Variants in ADSS1 observed in about 807,000 individuals in gnomAD.
The protein encoded by ADSS1 is adenylosuccinate synthetase isozyme 1.
Under a neutral mutation model 59.1 loss-of-function variants are expected in ADSS1, and 57 were observed. The ratio of observed to expected loss-of-function variants is 0.97; its 90% CI spans 0.78 to 1.20. The LOEUF is 1.20. Among genes scored for constraint, ADSS1 ranks in the 50% most tolerant of loss-of-function variants. ADSS1 has a pLI of 0.00. For missense variants in ADSS1, 603 were observed against 610.3 expected (o/e 0.99, Z 0.13); for synonymous variants, 247 against 249.4 (o/e 0.99, Z 0.09).
At chr14:104,724,916 G>A (rs896934327) in intron 1 of ADSS1, among the ~76,000 whole-genome samples, 5 of 152,170 alleles carry the variant, frequency 3.3e-5, no homozygotes, top group South Asian at 4.1e-4. Context: ...CTGGCTCCCC[G>A]CAAGGTCTGC....
In ADSS1 at chr14:104,746,969, G is replaced by A. The variant is rs1891586313; in HGVS notation, c.1340G>A (p.Gly447Asp). The change falls in exon 13 of 13, where the codon GGC (glycine) becomes GAC (aspartate). Residue 447 changes from glycine to aspartate, a missense_variant. Physicochemically the swap from Gly to Asp is moderately conservative, Grantham distance 94. Coordinates refer to ENST00000330877, the MANE Select transcript of ADSS1 (RefSeq NM_152328.5). ...VGVAVKWVGVGKSRESMIQLF is the reference protein window; with the variant it reads ...VGVAVKWVGVDKSRESMIQLF The stretch of plus-strand genomic sequence containing the variant: ...CTCTCAGTCAAATGGGTTGGTGTTG[G>A]CAAGTCAAGAGAGTCGATGATCCAG... The A allele has an allele frequency of 6.2e-7, 1 of 1,613,964 alleles. No homozygotes were observed. The highest frequency in any genetic ancestry group is 1.3e-5 in the African/African-American group (1 of 74,922).
Position 104,740,665 on chromosome 14 carries a change from C to T in ADSS1, c.541C>T (p.Arg181Cys), listed in dbSNP as rs200192645. Residue 181 changes from arginine (R) to cysteine (C), a missense_variant, in exon 6 of 13, where the codon CGC (arginine) becomes TGC (cysteine). Arg to Cys is a radical substitution (Grantham distance 180, BLOSUM62 -3). Coordinates refer to ENST00000330877, the MANE Select transcript of ADSS1 (RefSeq NM_152328.5). The surrounding 1 kb of genome is among the most constrained non-coding windows in gnomAD (Gnocchi z 4.8). Reference protein sequence around the residue: ...YSSKAARTGLRICDLLSDFDE... With the variant: ...YSSKAARTGLCICDLLSDFDE... ...TTCCAAAGCTGCCCGGACAGGCCTC[C>T]GCATCTGCGACCTCCTGTCAGATTT... 2.4e-5 allele frequency: 39 copies of T among 1,613,978 alleles called. No homozygotes were observed. In the East Asian group the frequency reaches 4.5e-4, roughly 18 times the overall value.
In ADSS1 at chr14:104,724,476, C is replaced by T. The variant is rs1890662298; in HGVS notation, c.192+14C>T. 2.4e-6 allele frequency: 3 copies of T among 1,238,498 alleles called. No homozygotes were observed. The highest frequency in any genetic ancestry group is 3.1e-4 in the Middle Eastern group (1 of 3,248). The allele number at this position is 1,238,498 out of a possible 1,614,324, so 76.7% of individuals were successfully genotyped here. ...AGCCGCTGCCAGGTGCGGGCTGGGG[C>T]GCCGGGTCCCTCCCCCACCGCCCAG... On this transcript the variant is annotated intron_variant, in intron 1 of 12. Transcript: ENST00000330877.
intron 2 of ADSS1, chr14:104,738,068 C>T (rs1302420656): frequency 1.7e-4 from 48 of 285,556 alleles, no homozygotes; most frequent in South Asian, 1.6e-3. Context: ...AGGATCTCAG[C>T]TCACTGCAAC....
intron 2 of ADSS1, among the ~76,000 whole-genome samples, chr14:104,735,568 G>A (rs76761552): frequency 0.034 from 5,222 of 152,266 alleles, 405 homozygotes; most frequent in East Asian, 0.32. Context: ...TGCCCTCCCC[G>A]GCCCTGCCGA....
In ADSS1 at chr14:104,741,142, T is replaced by C; in HGVS notation, c.692T>C (p.Met231Thr). The C allele has an allele frequency of 1.2e-6, 2 of 1,609,582 alleles. 1 individual carries two copies. The highest frequency in any genetic ancestry group is 3.4e-5 in the Admixed American group (2 of 59,550). ...LKGFAERIRPMVRDGVYFMYE... is the reference protein window; with the variant it reads ...LKGFAERIRPTVRDGVYFMYE... Reference sequence around the variant, plus strand: ...GGCTTTGCTGAGCGGATCAGACCCATGGTCCGAGATGGTGTTTACTTTATG... The same window carrying C: ...GGCTTTGCTGAGCGGATCAGACCCACGGTCCGAGATGGTGTTTACTTTATG... The change falls in exon 8 of 13, where the codon ATG becomes ACG. Residue 231 changes from methionine (M) to threonine (T), a missense_variant. Physicochemically the swap from Met to Thr is moderately conservative, Grantham distance 81 (BLOSUM62 -1). Transcript: ENST00000330877.
chr14:104,735,015 T>A lies in ADSS1; in HGVS notation c.193-5T>A. 16 of 1,612,568 alleles carry A rather than the reference T, an allele frequency of 9.9e-6. No homozygotes were observed. The highest frequency in any genetic ancestry group is 1.4e-5 in the Non-Finnish European group (16 of 1,178,932). On this transcript the variant is annotated splice_polypyrimidine_tract_variant and splice_region_variant and intron_variant, in intron 1 of 12. Coordinates refer to ENST00000330877, the MANE Select transcript of ADSS1 (RefSeq NM_152328.5). ...GCCTTCAGCTCAGCCGGGTTTCTGTTCCAGGGGGGCAACAACGCCGGCCAC... is the reference window on the plus strand; with the variant it reads ...GCCTTCAGCTCAGCCGGGTTTCTGTACCAGGGGGGCAACAACGCCGGCCAC...
rs1891297920 is a variant in ADSS1 at position 104,740,341 on chromosome 14, A to C, written c.477-260A>C. On this transcript the variant is annotated intron_variant, in intron 5 of 12. Coordinates refer to ENST00000330877, the MANE Select transcript of ADSS1 (RefSeq NM_152328.5). The surrounding 1 kb of genome is among the most constrained non-coding windows in gnomAD (Gnocchi z 4.8). Reference sequence around the variant, plus strand: ...GTGCACACGCCACACAAGCCCACACACCCACGCAAATGCACAAAAGTACAC... The same window carrying C: ...GTGCACACGCCACACAAGCCCACACCCCCACGCAAATGCACAAAAGTACAC... 6.6e-6 allele frequency among the ~76,000 whole-genome samples: 1 copy of C among 151,820 alleles called. No individual in the cohort carries two copies. Among genetic ancestry groups the C allele is most frequent in the Non-Finnish European group, 1.5e-5 (1 of 67,966 alleles).
chr14:104,739,961 C>A, intron 5 of ADSS1, 145 bp downstream of exon 5: 1 of 857,542 alleles, frequency 1.2e-6, no homozygotes. Flanking sequence ...GTCAAAATTC[C>A]ACAGCGCATC....
intron 1 of ADSS1, among the ~76,000 whole-genome samples, chr14:104,728,649 A>G (rs1004427414): frequency 2.0e-5 from 3 of 152,152 alleles, no homozygotes; most frequent in African/African-American, 4.8e-5. Flanking sequence ...TCGTCGTACA[A>G]ACTGCCATTG....
chr14:104,725,975 C>A (rs1210955094), intron 1 of ADSS1, among the ~76,000 whole-genome samples: 1 of 152,216 alleles, frequency 6.6e-6, no homozygotes, highest in Non-Finnish European at 1.5e-5. Flanking sequence ...GCACTCCCTG[C>A]TGTGCCCCCC....
intron 1 of ADSS1, among the ~76,000 whole-genome samples, chr14:104,725,703 C>T (rs1338758125): frequency 6.6e-6 from 1 of 152,200 alleles, no homozygotes; most frequent in Admixed American, 6.5e-5. Context: ...CTCTGCCCCG[C>T]CACCTTGTCC....
rs1167072113 is a variant in ADSS1, at chr14:104,742,087, G to A, written c.948+85G>A. 7.8e-6 allele frequency: 12 copies of A among 1,541,978 alleles called. No individual in the cohort carries two copies. The African/African-American group carries it at 1.2e-4, about 16-fold the overall frequency. ...GGGGTGGGGTGAGCAGTGCCAGGGT[G>A]GAGGCTCTGCGGACCTTGCCAGTGC... On this transcript the variant is annotated intron_variant, in intron 9 of 12. Coordinates refer to ENST00000330877, the MANE Select transcript of ADSS1 (RefSeq NM_152328.5).
intron 10 of ADSS1, chr14:104,743,408 C>T: frequency 3.4e-6 from 2 of 594,242 alleles, no homozygotes; most frequent in South Asian, 4.1e-5. Context: ...CAAACTCCCA[C>T]CCCAGGGCTG....
intron 11 of ADSS1, 28 bp downstream of exon 11, chr14:104,744,937 C>T: frequency 6.2e-7 from 1 of 1,605,368 alleles, no homozygotes; most frequent in Non-Finnish European, 8.5e-7. Context: ...ACCGTTCTGC[C>T]TGTTGGGCCG....
chr14:104,732,313 G>A (rs752836612), intron 1 of ADSS1, among the ~76,000 whole-genome samples: 2 of 152,228 alleles, frequency 1.3e-5, no homozygotes, highest in Non-Finnish European at 2.9e-5. Context: ...GCTGAAGCTG[G>A]AGGAAAGGCA....
At chr14:104,738,522 T>C in intron 3 of ADSS1, 84 bp downstream of exon 3, 6 of 1,491,234 alleles carry the variant, frequency 4.0e-6, no homozygotes, top group Non-Finnish European at 5.6e-6. Context: ...TGAGGGTTTC[T>C]CCCACGGAGG....
rs768661926 is a variant in ADSS1 at position 104,735,072 on chromosome 14, TC to T, written c.247del (p.His83ThrfsTer39). ...TVVVDGKEYD[F>X]HLLPSGIINT... Reference sequence around the variant, plus strand: ...GTGGTGGATGGGAAAGAGTACGACTTCCACCTGCTGCCCAGCGGCATCATCA... The same window carrying T: ...GTGGTGGATGGGAAAGAGTACGACTTCACCTGCTGCCCAGCGGCATCATCA... On this transcript the variant is annotated frameshift_variant, in exon 2 of 13. Transcript: ENST00000330877. LOFTEE classifies it high-confidence loss of function. The T allele has an allele frequency of 2.4e-5, 39 of 1,613,406 alleles. No individual in the cohort carries two copies. The highest frequency in any genetic ancestry group is 3.3e-5 in the Non-Finnish European group (39 of 1,179,736).
At chr14:104,746,573 A>G (rs1891567674) in intron 12 of ADSS1, among the ~76,000 whole-genome samples, 188 bp downstream of exon 12, 1 of 152,124 alleles carries the variant, frequency 6.6e-6, no homozygotes, top group Non-Finnish European at 1.5e-5. Flanking sequence ...TGTGGGTGTG[A>G]CCTTGCCGGG....
Sources: allele counts gnomAD v4.1 joint callset (sites outside exome capture counted in the v4.1 genomes callset), GRCh38; gene constraint gnomAD v4.1.1; non-coding constraint Gnocchi (gnomAD v3.1); transcripts MANE v1.5; gene names NCBI Gene and HGNC (gene_info 2026-07-23, HGNC 2026-07-21).